The following ATP7B variants were observed in gnomAD, a reference collection of about 807,000 sequenced individuals.
ATP7B encodes copper-transporting ATPase 2.
In ATP7B, 113 loss-of-function variants were observed where a neutral mutation model predicts 118.9. The ratio of observed to expected loss-of-function variants is 0.95; its 90% CI spans 0.82 to 1.11. The LOEUF (loss-of-function observed/expected upper bound fraction) is 1.11, where lower values mean the gene tolerates loss of function less well. ATP7B is among the 50% of genes most tolerant of loss of function. The pLI is 0.00. For synonymous variants in ATP7B, 777 were observed against 727.4 expected, an observed-to-expected ratio of 1.07 and a Z score of -1.10; for missense variants, 1,867 against 1,871.4, an observed-to-expected ratio of 1.00 and a Z score of 0.04.
chr13:51,951,438 C>A (rs1033833433), intron 9 of ATP7B, among the ~76,000 whole-genome samples: 1 of 152,138 alleles, frequency 6.6e-6, no homozygotes, highest in Non-Finnish European at 1.5e-5. Context: ...GCCTATTTGA[C>A]TTCCACGTAG....
intron 1 of ATP7B, among the ~76,000 whole-genome samples, chr13:51,995,515 G>A (rs947029616): frequency 5.9e-5 from 9 of 152,302 alleles, no homozygotes; most frequent in Middle Eastern, 3.4e-3. Flanking sequence ...AGGACTGCTC[G>A]GGGCTCTGGG....
At chr13:51,968,375 A>T in intron 4 of ATP7B, 69 bp downstream of exon 4, 1 of 1,608,108 alleles carries the variant, frequency 6.2e-7, no homozygotes, top group Non-Finnish European at 8.5e-7. Flanking sequence ...TACTAATCAC[A>T]AAGATGGATG....
intron 1 of ATP7B, among the ~76,000 whole-genome samples, chr13:51,993,997 A>G (rs551423140): frequency 2.6e-5 from 4 of 152,332 alleles, no homozygotes; most frequent in African/African-American, 9.6e-5. Context: ...AGCACACGTC[A>G]TATCTCAAAA....
At chr13:51,993,967 T>C (rs1222953229) in intron 1 of ATP7B, among the ~76,000 whole-genome samples, 1 of 152,144 alleles carries the variant, frequency 6.6e-6, no homozygotes, top group Non-Finnish European at 1.5e-5. Flanking sequence ...CACAGATTGG[T>C]GCTGGCCTTA....
chr13:51,942,581 G>A, intron 14 of ATP7B, 27 bp from the exon 15 acceptor site: 1 of 1,613,496 alleles, frequency 6.2e-7, no homozygotes, highest in Non-Finnish European at 8.5e-7. Flanking sequence ...AGAGGAAGAG[G>A]AAACTGTAAG....
chr13:51,960,368 C>CA, intron 6 of ATP7B, 46 bp from the exon 7 acceptor site: 1 of 1,591,608 alleles, frequency 6.3e-7, no homozygotes, highest in African/African-American at 1.3e-5. Context: ...TGCTGCTTGT[C>CA]ACCTGGATTA....
rs895442917 is a variant in ATP7B at position 51,942,475 on chromosome 13, T to G, written c.3323A>C (p.Asn1108Thr). The change falls in exon 15 of 21, where the codon AAC becomes ACC. Residue 1108 changes from asparagine (N) to threonine (T), a missense_variant. Asn to Thr is a moderately conservative substitution (Grantham distance 65, BLOSUM62 0). Transcript: ENST00000242839. ...ACTGTGGGCCAGGATGCCTTCCACG[T>G]TGCTGACTTTGCACCCAATTCCACA... ...PGCGIGCKVS[N>T]VEGILAHSER... 3 of 1,614,226 alleles carry G rather than the reference T, an allele frequency of 1.9e-6. No homozygotes were observed. The Admixed American group carries it at 5.0e-5, about 27-fold the overall frequency.
chr13:51,981,890 C>T (rs1379054312), intron 1 of ATP7B, among the ~76,000 whole-genome samples: 1 of 152,150 alleles, frequency 6.6e-6, no homozygotes, highest in Non-Finnish European at 1.5e-5. Context: ...TTGTCTAAGG[C>T]AAGCCTGTCC....
chr13:51,948,235 A>T (rs1021781707), intron 12 of ATP7B, among the ~76,000 whole-genome samples: 2 of 152,146 alleles, frequency 1.3e-5, no homozygotes, highest in African/African-American at 4.8e-5. Flanking sequence ...TTTTTTTTAA[A>T]AGAAAAAAAT....
intron 1 of ATP7B, among the ~76,000 whole-genome samples, chr13:52,003,542 T>C (rs1375874437): frequency 6.6e-6 from 1 of 152,078 alleles, no homozygotes; most frequent in Non-Finnish European, 1.5e-5. Flanking sequence ...ATTACCAAAA[T>C]GTGGCATGAA....
At chr13:51,993,889 C>T (rs890389861) in intron 1 of ATP7B, among the ~76,000 whole-genome samples, 1 of 152,162 alleles carries the variant, frequency 6.6e-6, no homozygotes, top group Non-Finnish European at 1.5e-5. Context: ...TCCCCTCCAC[C>T]AAGGCCTCTT....
chr13:51,974,641 C>G lies in ATP7B; in HGVS notation c.579G>C (p.Gln193His), dbSNP rs749716615. ...AVITYQPYLI[Q>H]PEDLRDHVND... ...TTACATGGTCCCTGAGGTCTTCGGGCTGAATGAGATAAGGCTGATAAGTGA... is the reference window on the plus strand; with the variant it reads ...TTACATGGTCCCTGAGGTCTTCGGGGTGAATGAGATAAGGCTGATAAGTGA... Residue 193 changes from glutamine to histidine, a missense_variant, in exon 2 of 21, where the codon CAG becomes CAC. Physicochemically the swap from Gln to His is conservative, Grantham distance 24. Transcript: ENST00000242839. The G allele has an allele frequency of 6.2e-7, 1 of 1,612,198 alleles. No individual in the cohort carries two copies. The highest frequency in any genetic ancestry group is 1.7e-5 in the Admixed American group (1 of 59,834).
intron 7 of ATP7B, chr13:51,958,815 G>A (rs1004622302): frequency 4.0e-6 from 2 of 501,476 alleles, no homozygotes; most frequent in East Asian, 3.7e-5. Flanking sequence ...GAAAAGTTGG[G>A]GAAAAAAATC....
At chr13:51,963,862 G>A (rs1566554663) in intron 5 of ATP7B, among the ~76,000 whole-genome samples, 1 of 151,804 alleles carries the variant, frequency 6.6e-6, no homozygotes, top group African/African-American at 2.4e-5. Flanking sequence ...GACCGGCCTG[G>A]CCAACATGGC....
rs763926354 is a variant in ATP7B, at chr13:51,951,716, G to GCACC, written c.2448-1321_2448-1318dup. Reference sequence around the variant, plus strand: ...TGGGGATGAGGAGGAGGAGGAGGGAGCACCCATCCAACCACACCAAACGCT... The same window carrying GCACC: ...TGGGGATGAGGAGGAGGAGGAGGGAGCACCCACCCATCCAACCACACCAAACGCT... On this transcript the variant is annotated intron_variant, in intron 9 of 20. Coordinates refer to ENST00000242839, the MANE Select transcript of ATP7B (RefSeq NM_000053.4). Among the ~76,000 whole-genome samples, 45 of 152,280 alleles carry GCACC rather than the reference G, an allele frequency of 3.0e-4. No homozygotes were observed. In the South Asian group the frequency reaches 9.3e-3, roughly 32 times the overall value.
At chr13:51,966,948 G>C in intron 4 of ATP7B, 1 of 1,613,332 alleles carries the variant, frequency 6.2e-7, no homozygotes, top group Non-Finnish European at 8.5e-7. Flanking sequence ...CTTGTACCCT[G>C]GGAGATGAGT....
chr13:51,975,525 G>A (rs1447978985), intron 1 of ATP7B: 1 of 526,482 alleles, frequency 1.9e-6, no homozygotes, highest in African/African-American at 1.9e-5. Flanking sequence ...CTCACGGTGG[G>A]AAGGCACAGG....
rs1052485948 is a variant in ATP7B at position 51,949,764 on chromosome 13, A to G, written c.2763T>C (p.Ser921=). The G allele has an allele frequency of 2.4e-5, 39 of 1,613,996 alleles. No individual in the cohort carries two copies. Among genetic ancestry groups the G allele is most frequent in the Non-Finnish European group, 3.2e-5 (38 of 1,180,030 alleles). ...TGATGATAAATGGGACAAAATATCC[A>G]CTAAACCGGTCAGCCAGCTGCTGAA... The part of the protein sequence containing the change: ...APIQQLADRF[S]GYFVPFIIIM... Residue 921 remains serine (S), a synonymous_variant, in exon 12 of 21, where the codon AGT becomes AGC. Transcript: ENST00000242839.
Position 51,939,079 on chromosome 13 carries a change from C to A in ATP7B, c.3671G>T (p.Arg1224Leu), listed in dbSNP as rs532177115. The change falls in exon 17 of 21, where the codon CGG (arginine) becomes CTG (leucine). Residue 1224 changes from arginine (R) to leucine (L), a missense_variant. Coordinates refer to ENST00000242839, the MANE Select transcript of ATP7B (RefSeq NM_000053.4). ...GGTGGCAATAGCTCTGGCTGTCTTC[C>A]GGTTGTCCCCCGTGATCAGAACCAC... ...VDVVLITGDN[R>L]KTARAIATQV... is the part of the protein sequence containing the mutation. 1.2e-4 allele frequency: 187 copies of A among 1,614,108 alleles called. No individual in the cohort carries two copies. The highest frequency in any genetic ancestry group is 1.4e-4 in the Non-Finnish European group (170 of 1,180,052).
Sources: allele counts gnomAD v4.1 joint callset (sites outside exome capture counted in the v4.1 genomes callset), GRCh38; gene constraint gnomAD v4.1.1; transcripts MANE v1.5; gene names NCBI Gene and HGNC (gene_info 2026-07-23, HGNC 2026-07-21).